The following ARHGAP20 variants were observed in gnomAD, a reference collection of about 807,000 sequenced individuals.
ARHGAP20 encodes rho GTPase-activating protein 20.
ARHGAP20 carries 34 observed loss-of-function variants against 73.7 expected under a neutral mutation model. That is an observed-to-expected ratio of 0.46 (90% CI 0.35 to 0.61). The LOEUF (loss-of-function observed/expected upper bound fraction) is 0.61. Ranked by LOEUF, ARHGAP20 falls within the 20% of genes least tolerant of loss-of-function variation. The pLI is 0.00. For missense variants in ARHGAP20, 1,314 were observed against 1,420.9 expected (o/e 0.92, Z 1.21); for synonymous variants, 523 against 518.2 (o/e 1.01, Z -0.13).
chr11:110,682,457 A>T (rs928846545), intron 2 of ARHGAP20, among the ~76,000 whole-genome samples: 3 of 152,134 alleles, frequency 2.0e-5, no homozygotes, highest in African/African-American at 7.2e-5. Flanking sequence ...TAGACCTGGC[A>T]ATTTGGTTTC....
At chr11:110,628,705 A>T (rs1591327509) in intron 3 of ARHGAP20, among the ~76,000 whole-genome samples, 2 of 152,164 alleles carry the variant, frequency 1.3e-5, no homozygotes, top group East Asian at 3.8e-4. Context: ...AATTGATAGA[A>T]TTTTTTTCAC....
intron 2 of ARHGAP20, among the ~76,000 whole-genome samples, chr11:110,687,389 A>T (rs1181078999): frequency 6.6e-6 from 1 of 152,132 alleles, no homozygotes; most frequent in Non-Finnish European, 1.5e-5. Context: ...AACAAAACTC[A>T]TCATATTTTG....
At chr11:110,687,402 A>C (rs923962121) in intron 2 of ARHGAP20, among the ~76,000 whole-genome samples, 2 of 152,136 alleles carry the variant, frequency 1.3e-5, no homozygotes, top group Non-Finnish European at 2.9e-5. Flanking sequence ...ATATTTTGCT[A>C]CTACTAAGAA....
intron 9 of ARHGAP20, among the ~76,000 whole-genome samples, chr11:110,601,602 T>C (rs1358988633): frequency 2.6e-5 from 4 of 152,158 alleles, no homozygotes; most frequent in Non-Finnish European, 5.9e-5. Flanking sequence ...TTTGGATAAC[T>C]TGTGAGCTAA....
chr11:110,711,445 C>T (rs1353904056), intron 1 of ARHGAP20, among the ~76,000 whole-genome samples: 1 of 150,116 alleles, frequency 6.7e-6, no homozygotes, highest in Non-Finnish European at 1.5e-5. Context: ...CTAGGCCCAG[C>T]CGAACCTACA....
intron 1 of ARHGAP20, among the ~76,000 whole-genome samples, chr11:110,701,774 G>C (rs1950458066): frequency 6.6e-6 from 1 of 152,022 alleles, no homozygotes; most frequent in Admixed American, 6.6e-5. Context: ...GTGTAAGGAA[G>C]AGATCCAGTT....
chr11:110,707,579 A>G (rs1415744540), intron 1 of ARHGAP20, among the ~76,000 whole-genome samples: 1 of 152,094 alleles, frequency 6.6e-6, no homozygotes, highest in Admixed American at 6.6e-5. Context: ...ATTCTGCTTG[A>G]GATTAAAATA....
intron 12 of ARHGAP20, among the ~76,000 whole-genome samples, chr11:110,585,881 A>G (rs1268558947): frequency 3.9e-5 from 6 of 152,144 alleles, no homozygotes; most frequent in Non-Finnish European, 8.8e-5. Context: ...TTTTCTCTGT[A>G]TGACTTCAGT....
In ARHGAP20 at chr11:110,591,985, G is replaced by C; in HGVS notation, c.1135C>G (p.Pro379Ala). The change falls in exon 10 of 15, where the codon CCT (proline) becomes GCT (alanine). Residue 379 changes from proline (P) to alanine (A), a missense_variant. Transcript: ENST00000683387. ...ACCAAAATGAGCCTTACCAAGACAG[G>C]TTTGGGCAGATTGTCATTCTCACAA... ...NICENDNLPK[P>A]VLDMLFFLNQ... is the part of the protein sequence containing the mutation. The C allele has an allele frequency of 6.2e-7, 1 of 1,614,036 alleles. No individual in the cohort carries two copies. Among genetic ancestry groups the C allele is most frequent in the Non-Finnish European group, 8.5e-7 (1 of 1,179,942 alleles).
chr11:110,646,952 A>C (rs147186439), intron 2 of ARHGAP20, among the ~76,000 whole-genome samples: 38 of 152,286 alleles, frequency 2.5e-4, no homozygotes, highest in African/African-American at 8.7e-4. Context: ...CTTGTTCAAG[A>C]AAATTTTCAA....
chr11:110,580,569 A>G lies in ARHGAP20; in HGVS notation c.2377T>C (p.Phe793Leu). 6.2e-7 allele frequency: 1 copy of G among 1,614,216 alleles called. No individual in the cohort carries two copies. Among genetic ancestry groups the G allele is most frequent in the Non-Finnish European group, 8.5e-7 (1 of 1,180,046 alleles). The stretch of plus-strand genomic sequence containing the variant: ...ATGGCCACTGGCTTAGACTTAGGGA[A>G]AAGTTTCACGTGATTTCCTTCACTA... ...SGSEGNHVKL[F>L]PKSKPVAISV... is the part of the protein sequence containing the mutation. The change falls in exon 15 of 15, where the codon TTC becomes CTC. Residue 793 changes from phenylalanine to leucine, a missense_variant. Transcript: ENST00000683387.
chr11:110,691,338 T>G (rs1464783754), intron 1 of ARHGAP20, among the ~76,000 whole-genome samples: 1 of 152,140 alleles, frequency 6.6e-6, no homozygotes, highest in African/African-American at 2.4e-5. Flanking sequence ...ATACAGCCAC[T>G]AGAAGCAGAT....
chr11:110,590,150 A>T (rs1947787524), intron 11 of ARHGAP20, among the ~76,000 whole-genome samples: 1 of 151,250 alleles, frequency 6.6e-6, no homozygotes, highest in African/African-American at 2.4e-5. Flanking sequence ...GGAAGGCATG[A>T]TGATTATGAA....
At chr11:110,591,086 T>C (rs1036519404) in intron 10 of ARHGAP20, among the ~76,000 whole-genome samples, 1 of 152,226 alleles carries the variant, frequency 6.6e-6, no homozygotes, top group African/African-American at 2.4e-5. Context: ...ATCTATTATA[T>C]AACATTATGA....
chr11:110,584,153 A>C (rs1947552985), intron 12 of ARHGAP20, among the ~76,000 whole-genome samples: 1 of 152,216 alleles, frequency 6.6e-6, no homozygotes, highest in South Asian at 2.1e-4. Context: ...AAGTAGCAAC[A>C]CAGAAATGCT....
chr11:110,646,533 G>A (rs900406705), intron 2 of ARHGAP20, among the ~76,000 whole-genome samples: 1 of 151,918 alleles, frequency 6.6e-6, no homozygotes, highest in Non-Finnish European at 1.5e-5. Context: ...TTCCTGTTTT[G>A]AAAAATTTAT....
intron 1 of ARHGAP20, among the ~76,000 whole-genome samples, chr11:110,694,429 T>C (rs1950298994): frequency 6.6e-6 from 1 of 150,780 alleles, no homozygotes. Flanking sequence ...TTCAGTATTG[T>C]AGGTCAAAAA....
At chr11:110,698,389 A>G (rs11213543) in intron 1 of ARHGAP20, among the ~76,000 whole-genome samples, 45,891 of 151,518 alleles carry the variant, frequency 0.3, 7,720 homozygotes, top group African/African-American at 0.47. Flanking sequence ...TTTGTTTTCC[A>G]TTGTGTCCTT....
chr11:110,703,805 A>G (rs781115520), intron 1 of ARHGAP20, among the ~76,000 whole-genome samples: 5 of 152,124 alleles, frequency 3.3e-5, no homozygotes, highest in Non-Finnish European at 7.4e-5. Flanking sequence ...AGCACCCTGG[A>G]GTAGGTAGAG....
Sources: gnomAD v4.1 joint callset for allele counts (sites outside exome capture counted in the v4.1 genomes callset) on GRCh38, gnomAD v4.1.1 for gene constraint, MANE v1.5 for transcripts, NCBI Gene and HGNC (gene_info 2026-07-23, HGNC 2026-07-21) for gene names.